The following ETS1 variants were observed in gnomAD, a reference collection of about 807,000 sequenced individuals.
The protein encoded by ETS1 is ETS proto-oncogene 1, transcription factor.
A neutral mutation model predicts 58.6 loss-of-function variants in ETS1; 15 were observed. That is an observed-to-expected ratio of 0.26 (90% CI 0.17 to 0.39). The LOEUF is 0.39. ETS1 is among the 10% of genes least tolerant of loss of function. The probability of loss-of-function intolerance (pLI) is 1.00; values close to 1 mark genes in which losing one functional copy is unlikely to be tolerated. For missense variants in ETS1, 417 were observed against 610.5 expected (o/e 0.68, Z 3.34); for synonymous variants, 214 against 218.2 (o/e 0.98, Z 0.17).
chr11:128,484,033 C>T (rs1344162447), intron 7 of ETS1, among the ~76,000 whole-genome samples: 1 of 152,200 alleles, frequency 6.6e-6, no homozygotes, highest in Non-Finnish European at 1.5e-5. Flanking sequence ...AATCTGGACA[C>T]TTTACTAGGT....
intron 3 of ETS1, among the ~76,000 whole-genome samples, chr11:128,536,034 A>T (rs972155016): frequency 6.6e-6 from 1 of 152,158 alleles, no homozygotes; most frequent in Non-Finnish European, 1.5e-5. Flanking sequence ...GTAAAATTAG[A>T]CTCTGGCTGG....
intron 3 of ETS1, among the ~76,000 whole-genome samples, chr11:128,504,502 G>C (rs1863178433): frequency 6.6e-6 from 1 of 152,240 alleles, no homozygotes; most frequent in Non-Finnish European, 1.5e-5. Flanking sequence ...GAAAAGTGGA[G>C]AGAAGGAGGA....
At position 128,552,970 on chromosome 11, in the gene ETS1, G is replaced by A. The variant is rs1864255384; in HGVS notation, c.214+3321C>T. Among the ~76,000 whole-genome samples the A allele has an allele frequency of 2.6e-5, 4 of 152,352 alleles. No homozygotes were observed. In the South Asian group the frequency reaches 8.3e-4, roughly 32 times the overall value. On this transcript the variant is annotated intron_variant, in intron 3 of 9. Transcript: ENST00000392668. ...CTTGTTATGGTGGTTGGAGAGAAAG[G>A]GCTGAGGTTGAGGGACAGAATAGAG...
In ETS1 at chr11:128,549,053, C is replaced by T. The variant is rs979630088; in HGVS notation, c.214+7238G>A. Among the ~76,000 whole-genome samples the T allele has an allele frequency of 6.6e-6, 1 of 152,134 alleles. No homozygotes were observed. The highest frequency in any genetic ancestry group is 1.5e-5 in the Non-Finnish European group (1 of 68,002). The stretch of plus-strand genomic sequence containing the variant: ...CGGGAGGCTGGGGGAGGGGAGCGGG[C>T]CGCCTCCTCCAGCTGCAGGCTCCGG... On this transcript the variant is annotated intron_variant, in intron 3 of 9. Coordinates refer to ENST00000392668, the MANE Select transcript of ETS1 (RefSeq NM_001143820.2). The surrounding 1 kb of genome is among the most constrained non-coding windows in gnomAD (Gnocchi z 4.3).
rs57261745 is a variant in ETS1 at position 128,515,270 on chromosome 11, ACACG to A, written c.215-24698_215-24695del. Among the ~76,000 whole-genome samples, 317 of 151,282 alleles carry A rather than the reference ACACG, an allele frequency of 2.1e-3. 4 individuals are homozygous for A. The highest frequency in any genetic ancestry group is 6.0e-3 in the African/African-American group (247 of 40,980). On this transcript the variant is annotated intron_variant, in intron 3 of 9. Transcript: ENST00000392668. ...CTCTCTGTCACACACACACACACAC[ACACG>A]CGCGCGTGCACACTACATGCAGAGT... is the stretch of plus-strand genomic sequence containing the variant.
At chr11:128,571,606 TACTTA>T (rs1258350254) in intron 2 of ETS1, among the ~76,000 whole-genome samples, 1 of 150,058 alleles carries the variant, frequency 6.7e-6, no homozygotes, top group Non-Finnish European at 1.5e-5. Flanking sequence ...AACTGTGTCA[TACTTA>T]ACTTTAATCA....
intron 4 of ETS1, among the ~76,000 whole-genome samples, chr11:128,490,169 G>A (rs542165450): frequency 6.6e-6 from 1 of 152,348 alleles, no homozygotes; most frequent in East Asian, 1.9e-4. Flanking sequence ...GATGACAGCA[G>A]GTGTAATGCC....
At chr11:128,527,216 G>C (rs1863816962) in intron 3 of ETS1, 1 of 296,758 alleles carries the variant, frequency 3.4e-6, no homozygotes, top group African/African-American at 2.3e-5. Flanking sequence ...GGCATGGGCT[G>C]TCAGGAGAGA....
intron 8 of ETS1, among the ~76,000 whole-genome samples, chr11:128,468,603 C>T (rs1404760382): frequency 6.6e-6 from 1 of 152,136 alleles, no homozygotes; most frequent in Non-Finnish European, 1.5e-5. Context: ...GTCACCTGTG[C>T]TCTGCTGAGA....
chr11:128,492,445 G>A (rs767684066), intron 3 of ETS1, among the ~76,000 whole-genome samples: 2 of 152,148 alleles, frequency 1.3e-5, no homozygotes, highest in Non-Finnish European at 2.9e-5. Flanking sequence ...AAGAACAGAA[G>A]GGCTCCCTAG....
intron 8 of ETS1, among the ~76,000 whole-genome samples, chr11:128,478,359 A>AG (rs1383991106): frequency 5.8e-5 from 1 of 17,224 alleles, no homozygotes; most frequent in South Asian, 1.8e-3. Flanking sequence ...GGAGGAAGGA[A>AG]GGAGGAAGGA....
chr11:128,546,742 G>C (rs903161735), intron 3 of ETS1, among the ~76,000 whole-genome samples: 5 of 152,160 alleles, frequency 3.3e-5, no homozygotes, highest in African/African-American at 9.7e-5. Context: ...TGTTTGCAGG[G>C]GGGAAGGTGT....
chr11:128,560,087 G>A (rs545528348), intron 2 of ETS1, among the ~76,000 whole-genome samples: 3 of 151,996 alleles, frequency 2.0e-5, no homozygotes, highest in South Asian at 4.2e-4. Context: ...AGTGCCCCCT[G>A]GCACTCTGCA....
intron 3 of ETS1, among the ~76,000 whole-genome samples, chr11:128,523,235 C>T (rs1317656446): frequency 6.6e-6 from 1 of 152,164 alleles, no homozygotes; most frequent in African/African-American, 2.4e-5. Context: ...TCATTGGCAG[C>T]CATGACAGAA....
intron 3 of ETS1, chr11:128,536,903 A>T (rs1333403051): frequency 6.6e-6 from 1 of 152,224 alleles, no homozygotes; most frequent in Admixed American, 6.5e-5. Context: ...ATGAATACAC[A>T]TCACCTCTTT....
intron 1 of ETS1, among the ~76,000 whole-genome samples, chr11:128,585,126 AG>A (rs1300524120): frequency 9.8e-5 from 1 of 10,232 alleles, no homozygotes; most frequent in East Asian, 3.1e-3. Context: ...GAAAGAAAGA[AG>A]AAAGAAAGAA....
intron 3 of ETS1, chr11:128,522,123 A>C: frequency 7.6e-7 from 1 of 1,309,634 alleles, no homozygotes; most frequent in Admixed American, 3.7e-5. Context: ...AAAATCTCAA[A>C]TTCCCGCTGC....
intron 1 of ETS1, among the ~76,000 whole-genome samples, chr11:128,578,165 A>G (rs1333077039): frequency 1.3e-5 from 2 of 152,192 alleles, no homozygotes; most frequent in Non-Finnish European, 2.9e-5. Flanking sequence ...CAACCCGGCC[A>G]GGACCTGTAG....
chr11:128,532,359 C>T (rs879572650), intron 3 of ETS1, among the ~76,000 whole-genome samples: 2 of 152,216 alleles, frequency 1.3e-5, no homozygotes, highest in African/African-American at 2.4e-5. Flanking sequence ...ACAGAATTTG[C>T]CATTTACATC....
Sources: allele counts gnomAD v4.1 joint callset (sites outside exome capture counted in the v4.1 genomes callset), GRCh38; gene constraint gnomAD v4.1.1; non-coding constraint Gnocchi (gnomAD v3.1); transcripts MANE v1.5; gene names NCBI Gene and HGNC (gene_info 2026-07-23, HGNC 2026-07-21).